Variants in CCDC158 observed in about 807,000 individuals in gnomAD.
CCDC158 encodes the protein coiled-coil domain-containing protein 158.
In CCDC158, 116 loss-of-function variants were observed where a neutral mutation model predicts 138.6. The ratio of observed to expected loss-of-function variants is 0.84; its 90% CI spans 0.72 to 0.98. The LOEUF (loss-of-function observed/expected upper bound fraction) is 0.98, where lower values mean the gene tolerates loss of function less well. Ranked by LOEUF, CCDC158 falls within the 50% of genes least tolerant of loss-of-function variation. CCDC158 has a pLI of 0.00. For missense variants in CCDC158, 1,265 were observed against 1,306.1 expected (o/e 0.97, Z 0.48); for synonymous variants, 436 against 442.4 (o/e 0.99, Z 0.18).
chr4:76,326,105 A>T (rs955969277), intron 22 of CCDC158, 90 bp from the exon 23 acceptor site: 2 of 1,039,298 alleles, frequency 1.9e-6, no homozygotes, highest in Non-Finnish European at 2.8e-6. Context: ...TCATGAGAAA[A>T]TGTTCCCAAT....
At chr4:76,363,655 C>T (rs1300479260) in intron 12 of CCDC158, among the ~76,000 whole-genome samples, 2 of 151,906 alleles carry the variant, frequency 1.3e-5, no homozygotes, top group African/African-American at 4.8e-5. Context: ...AGAGCAGGGA[C>T]ATCAGTAGGG....
At chr4:76,335,820 A>C (rs1400601142) in intron 18 of CCDC158, among the ~76,000 whole-genome samples, 1 of 152,118 alleles carries the variant, frequency 6.6e-6, no homozygotes, top group Non-Finnish European at 1.5e-5. Flanking sequence ...CGATCCACGC[A>C]TCTTGGTTTC....
chr4:76,364,832 T>C (rs192959345), intron 12 of CCDC158, among the ~76,000 whole-genome samples: 4 of 152,360 alleles, frequency 2.6e-5, no homozygotes, highest in Admixed American at 2.6e-4. Context: ...ATCTGAAATA[T>C]AGCCACATGA....
intron 15 of CCDC158, among the ~76,000 whole-genome samples, chr4:76,354,685 G>A (rs993776982): frequency 6.6e-6 from 1 of 152,048 alleles, no homozygotes; most frequent in African/African-American, 2.4e-5. Flanking sequence ...AAGCATACAT[G>A]CACACTCCTC....
In CCDC158 at chr4:76,371,413, T is replaced by A; in HGVS notation, c.1149+4A>T. On this transcript the variant is annotated splice_donor_region_variant and intron_variant, in intron 10 of 24. Transcript: ENST00000682701. The stretch of plus-strand genomic sequence containing the variant: ...CTTATTCATATTTTAAAGCATAATC[T>A]TACCAACAGCTTTTGAAGTTGATCA... 1 of 1,613,742 alleles carries A rather than the reference T, an allele frequency of 6.2e-7. No homozygotes were observed. Among genetic ancestry groups the A allele is most frequent in the Non-Finnish European group, 8.5e-7 (1 of 1,179,812 alleles).
In CCDC158 at chr4:76,371,576, CA is replaced by C. The variant is rs1446954721; in HGVS notation, c.1030-41del. ...CAAATTGAACAGTGTCTGATTATGA[CA>C]GTGGGTAATATAAAATAAATATAGA... On this transcript the variant is annotated intron_variant, in intron 9 of 24. Transcript: ENST00000682701. 14 of 1,603,280 alleles carry C rather than the reference CA, an allele frequency of 8.7e-6. No homozygotes were observed. In the African/African-American group the frequency reaches 1.6e-4, roughly 18 times the overall value.
intron 20 of CCDC158, among the ~76,000 whole-genome samples, 158 bp downstream of exon 20, chr4:76,332,274 A>G (rs189622541): frequency 1.3e-5 from 2 of 152,304 alleles, no homozygotes; most frequent in East Asian, 3.9e-4. Context: ...ACTTCAGTAC[A>G]TTTCACTGAA....
At chr4:76,334,645 T>C (rs895812508) in intron 18 of CCDC158, among the ~76,000 whole-genome samples, 4 of 152,196 alleles carry the variant, frequency 2.6e-5, no homozygotes, top group Admixed American at 2.0e-4. Flanking sequence ...TTTCAAACTG[T>C]GTTAGTTGGT....
intron 24 of CCDC158, among the ~76,000 whole-genome samples, chr4:76,320,439 A>T (rs1175482958): frequency 1.3e-5 from 2 of 152,280 alleles, no homozygotes; most frequent in South Asian, 2.1e-4. Context: ...TGGAAAAAAC[A>T]TTCCTAAAAT....
rs370593317 is a variant in CCDC158, at chr4:76,357,522, C to T, written c.2025G>A (p.Glu675=). The change falls in exon 14 of 25, where the codon GAG becomes GAA. Residue 675 remains glutamate, a synonymous_variant. Transcript: ENST00000682701. ...SRSELNNLSE[E]YEVLKRNFRN... ...GGAAATTCCTTTTTAAGACTTCATA[C>T]TCCTCTATACAATGTGATAATCAAT... 1 of 1,538,940 alleles carries T rather than the reference C, an allele frequency of 6.5e-7. No homozygotes were observed. Among genetic ancestry groups the T allele is most frequent in the East Asian group, 2.3e-5 (1 of 43,122 alleles).
intron 12 of CCDC158, among the ~76,000 whole-genome samples, chr4:76,366,774 T>C (rs1433939247): frequency 6.6e-6 from 1 of 152,154 alleles, no homozygotes; most frequent in East Asian, 1.9e-4. Flanking sequence ...AATTATTAAG[T>C]TATTTAAATT....
At chr4:76,319,475 T>TAC (rs1719795580) in intron 24 of CCDC158, among the ~76,000 whole-genome samples, 1 of 13,258 alleles carries the variant, frequency 7.5e-5, no homozygotes, top group Non-Finnish European at 1.3e-4. Context: ...AATATATATA[T>TAC]ATATATATAT....
At chr4:76,316,511 G>T (rs1415088337) in intron 24 of CCDC158, among the ~76,000 whole-genome samples, 1 of 152,088 alleles carries the variant, frequency 6.6e-6, no homozygotes. Context: ...GGAAGAAGAT[G>T]AATCTAAAAG....
At chr4:76,366,541 G>C (rs1471357094) in intron 12 of CCDC158, among the ~76,000 whole-genome samples, 2 of 151,908 alleles carry the variant, frequency 1.3e-5, no homozygotes, top group Non-Finnish European at 2.9e-5. Context: ...AAAAATATGG[G>C]GCAGGAGGTA....
intron 2 of CCDC158, among the ~76,000 whole-genome samples, chr4:76,406,387 C>T (rs1038414729): frequency 6.6e-6 from 1 of 152,064 alleles, no homozygotes. Flanking sequence ...GAGGCTTTAA[C>T]GGACAATTAG....
At chr4:76,321,764 T>TTA (rs1049713859) in intron 24 of CCDC158, among the ~76,000 whole-genome samples, 9 of 146,072 alleles carry the variant, frequency 6.2e-5, no homozygotes, top group African/African-American at 1.2e-4. Flanking sequence ...TATATATTTT[T>TTA]TATATATATA....
chr4:76,348,986 T>C (rs748838017), intron 18 of CCDC158, among the ~76,000 whole-genome samples: 2 of 152,126 alleles, frequency 1.3e-5, no homozygotes, highest in African/African-American at 2.4e-5. Flanking sequence ...AAGATAGATA[T>C]AAAGACCAGC....
In CCDC158 at chr4:76,384,635, A is replaced by T. The variant is rs752568600; in HGVS notation, c.319T>A (p.Tyr107Asn). 6.2e-7 allele frequency: 1 copy of T among 1,613,536 alleles called. No homozygotes were observed. The highest frequency in any genetic ancestry group is 1.1e-5 in the South Asian group (1 of 90,816). ...AAATCAATGACTGACTGCCTCAAAT[A>T]AAACTTTTGTTTCTCATGCAATTCA... ...SNELHEKQKFYLRQSVIDLQT... is the reference protein window; with the variant it reads ...SNELHEKQKFNLRQSVIDLQT... Residue 107 changes from tyrosine (Y) to asparagine (N), a missense_variant, in exon 5 of 25, where the codon TAT (tyrosine) becomes AAT (asparagine). By Grantham distance (143) the Tyr-to-Asn change is moderately radical. Coordinates refer to ENST00000682701, the MANE Select transcript of CCDC158 (RefSeq NM_001394954.1).
chr4:76,333,861 C>T, intron 19 of CCDC158, 149 bp downstream of exon 19: 1 of 478,854 alleles, frequency 2.1e-6, no homozygotes. Flanking sequence ...TGCTTAACTC[C>T]TCCATTTTCA....
Sources: gnomAD v4.1 joint callset for allele counts (sites outside exome capture counted in the v4.1 genomes callset) on GRCh38, gnomAD v4.1.1 for gene constraint, MANE v1.5 for transcripts, NCBI Gene and HGNC (gene_info 2026-07-23, HGNC 2026-07-21) for gene names.